CPT1C: variants seen among roughly 807,000 people sequenced by gnomAD.
The protein encoded by CPT1C is carnitine palmitoyltransferase 1C.
Under a neutral mutation model 97.3 loss-of-function variants are expected in CPT1C, and 61 were observed. The ratio of observed to expected loss-of-function variants is 0.63; its 90% confidence interval spans 0.51 to 0.78. The LOEUF is 0.78. CPT1C is among the 30% of genes least tolerant of loss of function. The pLI, the probability that CPT1C is intolerant of heterozygous loss-of-function variation, is 0.00. For synonymous variants in CPT1C, 469 were observed against 447.2 expected, an observed-to-expected ratio of 1.05 and a Z score of -0.61; for missense variants, 975 against 1,065.5, an observed-to-expected ratio of 0.92 and a Z score of 1.18.
At chr19:49,710,902 C>T in intron 16 of CPT1C, 45 bp downstream of exon 16, 2 of 1,568,114 alleles carry the variant, frequency 1.3e-6, no homozygotes, top group Non-Finnish European at 1.7e-6. Context: ...TCTGTGTACT[C>T]ACTCATCCAC....
chr19:49,700,976 C>T, intron 5 of CPT1C, 121 bp downstream of exon 5: 2 of 1,084,794 alleles, frequency 1.8e-6, no homozygotes, highest in Non-Finnish European at 2.7e-6. Flanking sequence ...GTCTCTTCCC[C>T]CTCTCTTTCT....
In CPT1C at chr19:49,706,290, C is replaced by G; in HGVS notation, c.1220C>G (p.Ala407Gly). 1 of 1,536,460 alleles carries G rather than the reference C, an allele frequency of 6.5e-7. No homozygotes were observed. Among genetic ancestry groups the G allele is most frequent in the Non-Finnish European group, 8.7e-7 (1 of 1,145,296 alleles). ...ACCCAGGCAGCGGAGGCCCTGGAGG[C>G]GGTGGAAGGGGCCGCTTTCTTTGTG... ...LKTQAAEALE[A>G]VEGAAFFVSL... The change falls in exon 12 of 20, where the codon GCG becomes GGG. Residue 407 changes from alanine (A) to glycine (G), a missense_variant. Physicochemically the swap from Ala to Gly is moderately conservative, Grantham distance 60. Coordinates refer to ENST00000598293, the MANE Select transcript of CPT1C (RefSeq NM_001199753.2). The surrounding 1 kb of genome is among the most constrained non-coding windows in gnomAD (Gnocchi z 4.8).
chr19:49,704,822 G>C, intron 8 of CPT1C, 35 bp downstream of exon 8: 6 of 1,592,464 alleles, frequency 3.8e-6, no homozygotes, highest in Non-Finnish European at 5.2e-6. Flanking sequence ...ATAGGCCCCA[G>C]GTCTAGGGTT....
chr19:49,710,588 G>A (rs760653160), intron 15 of CPT1C, 104 bp downstream of exon 15: 33 of 1,569,872 alleles, frequency 2.1e-5, no homozygotes, highest in African/African-American at 2.7e-5. Context: ...ATTGTGGGTC[G>A]GCCATCTTGA....
intron 3 of CPT1C, 74 bp downstream of exon 3, chr19:49,692,467 C>T (rs1051333467): frequency 3.9e-5 from 61 of 1,560,278 alleles, no homozygotes; most frequent in Admixed American, 2.5e-4. Flanking sequence ...GGCTCACTTC[C>T]GGCATTTCAG....
Position 49,700,709 on chromosome 19 carries a change from G to T in CPT1C, c.307G>T (p.Gly103Trp). The T allele has an allele frequency of 6.2e-7, 1 of 1,610,706 alleles. No homozygotes were observed. The highest frequency in any genetic ancestry group is 8.5e-7 in the Non-Finnish European group (1 of 1,180,010). ...DWGGQHHGLR[G>W]VLAAALFASC... Reference sequence around the variant, plus strand: ...GGGTGGACAACACCACGGGCTCCGGGGGGTCCTGGCAGCCGCGCTGTTTGC... The same window carrying T: ...GGGTGGACAACACCACGGGCTCCGGTGGGTCCTGGCAGCCGCGCTGTTTGC... The change falls in exon 5 of 20, where the codon GGG becomes TGG. Residue 103 changes from glycine to tryptophan, a missense_variant. Physicochemically the swap from Gly to Trp is radical, Grantham distance 184. Around this residue, in one of 3 missense-constraint regions of CPT1C, gnomAD observed 596 missense variants for 603.1 expected, o/e 0.99. Coordinates refer to ENST00000598293, the MANE Select transcript of CPT1C (RefSeq NM_001199753.2).
At chr19:49,701,138 C>CCT (rs200082966) in intron 5 of CPT1C, among the ~76,000 whole-genome samples, 179 bp from the exon 6 acceptor site, 105 of 111,396 alleles carry the variant, frequency 9.4e-4, no homozygotes, top group African/African-American at 2.9e-3. Context: ...TCTCTGTCCC[C>CCT]CTCTCTCTGG....
chr19:49,701,141 C>CTG (rs2083023697), intron 5 of CPT1C, among the ~76,000 whole-genome samples, 176 bp from the exon 6 acceptor site: 1 of 149,506 alleles, frequency 6.7e-6, no homozygotes, highest in Non-Finnish European at 1.5e-5. Flanking sequence ...CTGTCCCCCT[C>CTG]TCTCTGGGTC....
At chr19:49,698,804 T>G (rs1200865673) in intron 4 of CPT1C, among the ~76,000 whole-genome samples, 1 of 151,792 alleles carries the variant, frequency 6.6e-6, no homozygotes, top group Non-Finnish European at 1.5e-5. Flanking sequence ...GAAGAATTAA[T>G]CAAAATCCTG....
rs116159823 is a variant in CPT1C, at chr19:49,706,476, G to A, written c.1343+63G>A. 1,266 of 1,353,910 alleles carry A rather than the reference G, an allele frequency of 9.4e-4. 9 individuals are homozygous for A. The African/African-American group carries it at 0.017, about 19-fold the overall frequency. 83.9% of individuals were successfully genotyped at this position (1,353,910 alleles called of 1,614,324 possible). Reference sequence around the variant, plus strand: ...CCCGAGAATCCAGTATCAGACCTAGGACCCCTGACAGTAGACAGCCAGACC... The same window carrying A: ...CCCGAGAATCCAGTATCAGACCTAGAACCCCTGACAGTAGACAGCCAGACC... On this transcript the variant is annotated intron_variant, in intron 12 of 19. Transcript: ENST00000598293. This position sits in a 1 kb window ranked among gnomAD's most constrained non-coding sequence, Gnocchi z 4.8.
chr19:49,713,236 C>T (rs1460708350), intron 19 of CPT1C, 172 bp downstream of exon 19: 9 of 731,434 alleles, frequency 1.2e-5, no homozygotes, highest in Non-Finnish European at 1.6e-5. Context: ...GTCCAGGCCC[C>T]CAGCCCCTCC....
chr19:49,713,021 T>A lies in CPT1C; in HGVS notation c.2183T>A (p.Met728Lys). 2 of 1,614,112 alleles carry A rather than the reference T, an allele frequency of 1.2e-6. No homozygotes were observed. Among genetic ancestry groups the A allele is most frequent in the Non-Finnish European group, 1.7e-6 (2 of 1,180,000 alleles). Residue 728 changes from methionine (M) to lysine (K), a missense_variant, in exon 19 of 20, where the codon ATG (methionine) becomes AAG (lysine). Around this residue, in one of 3 missense-constraint regions of CPT1C, gnomAD observed 344 missense variants for 395.7 expected, o/e 0.87. Coordinates refer to ENST00000598293, the MANE Select transcript of CPT1C (RefSeq NM_001199753.2). ...TCTTATATCTTCATGGGGGATGGCATGATCACCTTCCACATCTCCAGCAAA... is the reference window on the plus strand; with the variant it reads ...TCTTATATCTTCATGGGGGATGGCAAGATCACCTTCCACATCTCCAGCAAA... ...GVSYIFMGDGMITFHISSKKS... is the reference protein window; with the variant it reads ...GVSYIFMGDGKITFHISSKKS...
chr19:49,701,635 G>A lies in CPT1C; in HGVS notation c.693+1G>A. 1.3e-6 allele frequency: 2 copies of A among 1,593,580 alleles called. No individual in the cohort carries two copies. The highest frequency in any genetic ancestry group is 1.7e-6 in the Non-Finnish European group (2 of 1,165,768). ...CAAGTCCTGGTGGGCGTCCAATTATGTGAGTCCCGCCACCGCCACCAACGC... is the reference window on the plus strand; with the variant it reads ...CAAGTCCTGGTGGGCGTCCAATTATATGAGTCCCGCCACCGCCACCAACGC... On this transcript the variant is annotated splice_donor_variant, in intron 7 of 19. Coordinates refer to ENST00000598293, the MANE Select transcript of CPT1C (RefSeq NM_001199753.2). LOFTEE classifies it high-confidence loss of function.
chr19:49,694,053 A>C (rs1366811764), intron 3 of CPT1C, among the ~76,000 whole-genome samples: 1 of 151,514 alleles, frequency 6.6e-6, no homozygotes, highest in African/African-American at 2.4e-5. Flanking sequence ...CGACAGAGCG[A>C]GACTCCGTCT....
In CPT1C at chr19:49,710,810, AG is replaced by A. The variant is rs1469642784; in HGVS notation, c.1822del (p.Glu608ArgfsTer34). The A allele has an allele frequency of 3.7e-6, 6 of 1,613,936 alleles. No homozygotes were observed. The highest frequency in any genetic ancestry group is 4.2e-6 in the Non-Finnish European group (5 of 1,179,896). On this transcript the variant is annotated frameshift_variant, in exon 16 of 20. Coordinates refer to ENST00000598293, the MANE Select transcript of CPT1C (RefSeq NM_001199753.2). LOFTEE classifies it high-confidence loss of function. ...GRTETVRSCT[R>X]EACNFVRAME... ...GACGGAGACGGTGCGGTCTTGCACG[AG>A]GGAGGCCTGCAACTTTGTCAGGGCC...
chr19:49,713,447 G>A lies in CPT1C; in HGVS notation c.2254G>A (p.Glu752Lys). Residue 752 changes from glutamate (E) to lysine (K), a missense_variant, in exon 20 of 20, where the codon GAG becomes AAG. Physicochemically the swap from Glu to Lys is moderately conservative, Grantham distance 56. Coordinates refer to ENST00000598293, the MANE Select transcript of CPT1C (RefSeq NM_001199753.2). ...TTCCCACAGGCTGGGGCAGCACATT[G>A]AGGACGCACTGCTGGATGTGGCCTC... ...TDSHRLGQHIEDALLDVASLF... is the reference protein window; with the variant it reads ...TDSHRLGQHIKDALLDVASLF... The A allele has an allele frequency of 6.2e-7, 1 of 1,613,912 alleles. No individual in the cohort carries two copies. Among genetic ancestry groups the A allele is most frequent in the East Asian group, 2.2e-5 (1 of 44,878 alleles).
At chr19:49,693,561 C>T (rs1381513192) in intron 3 of CPT1C, among the ~76,000 whole-genome samples, 17 of 152,136 alleles carry the variant, frequency 1.1e-4, no homozygotes, top group Admixed American at 1.1e-3. Context: ...ATTCATTCAC[C>T]ATATATTTAT....
Position 49,692,307 on chromosome 19 carries a change from G to A in CPT1C, c.55G>A (p.Ala19Thr), listed in dbSNP as rs1317849272. Residue 19 changes from alanine to threonine, a missense_variant, in exon 3 of 20, where the codon GCT becomes ACT. Physicochemically the swap from Ala to Thr is moderately conservative, Grantham distance 58. Around this residue, in one of 3 missense-constraint regions of CPT1C, gnomAD observed 596 missense variants for 603.1 expected, o/e 0.99. Coordinates refer to ENST00000598293, the MANE Select transcript of CPT1C (RefSeq NM_001199753.2). ...GFRPSLTSDG[A>T]EVELSAPVLQ... ...CCGACCCTCGCTGACCTCGGACGGG[G>A]CTGAAGTGGAACTCAGTGCCCCTGT... The A allele has an allele frequency of 1.9e-6, 3 of 1,614,110 alleles. No homozygotes were observed. Among genetic ancestry groups the A allele is most frequent in the Admixed American group, 1.7e-5 (1 of 60,008 alleles).
At chr19:49,708,634 G>A (rs908031546) in intron 13 of CPT1C, 89 bp from the exon 14 acceptor site, 31 of 932,852 alleles carry the variant, frequency 3.3e-5, no homozygotes, top group African/African-American at 2.9e-4. Flanking sequence ...CCCCCTACCC[G>A]AAAAAGGGCT....
Sources: allele counts gnomAD v4.1 joint callset (sites outside exome capture counted in the v4.1 genomes callset), GRCh38; gene constraint gnomAD v4.1.1; regional missense constraint gnomAD v4.1.1; non-coding constraint Gnocchi (gnomAD v3.1); transcripts MANE v1.5; gene names NCBI Gene and HGNC (gene_info 2026-07-23, HGNC 2026-07-21).